Variants in TMEM260 observed in about 807,000 individuals in gnomAD.
TMEM260 encodes protein O-mannosyl-transferase TMEM260.
TMEM260 carries 82 observed loss-of-function variants against 88.9 expected under a neutral mutation model. The ratio of observed to expected loss-of-function variants is 0.92; its 90% CI spans 0.77 to 1.11. The LOEUF is 1.11. Ranked by LOEUF, TMEM260 falls within the 50% of genes least tolerant of loss-of-function variation. The probability of loss-of-function intolerance (pLI) is 0.00; values close to 1 mark genes in which losing one functional copy is unlikely to be tolerated. For synonymous variants in TMEM260, 314 were observed against 309.3 expected (o/e 1.02, Z -0.16); for missense variants, 902 against 853.4 (o/e 1.06, Z -0.71).
At chr14:56,608,073 C>G (rs1219312601) in intron 5 of TMEM260, among the ~76,000 whole-genome samples, 1 of 152,114 alleles carries the variant, frequency 6.6e-6, no homozygotes, top group East Asian at 1.9e-4. Context: ...TCCTTTCATG[C>G]CATCATTTTT....
At chr14:56,599,255 C>T (rs1363729458) in intron 3 of TMEM260, among the ~76,000 whole-genome samples, 1 of 152,152 alleles carries the variant, frequency 6.6e-6, no homozygotes, top group Non-Finnish European at 1.5e-5. Flanking sequence ...TCCTGTCCCT[C>T]TGACCTAGTA....
At chr14:56,618,193 A>G (rs935786894) in intron 9 of TMEM260, among the ~76,000 whole-genome samples, 17 of 152,192 alleles carry the variant, frequency 1.1e-4, no homozygotes, top group Non-Finnish European at 7.3e-5. Context: ...CCCCAGTCAG[A>G]TCAGTCCCTA....
At chr14:56,614,219 T>TAAAA (rs397852138) in intron 7 of TMEM260, among the ~76,000 whole-genome samples, 1 of 111,550 alleles carries the variant, frequency 9.0e-6, no homozygotes, top group Admixed American at 9.6e-5. Flanking sequence ...TACAAAACAT[T>TAAAA]AAAAAAAAAA....
downstream of TMEM260, among the ~76,000 whole-genome samples, chr14:56,652,933 A>G (rs561384121): frequency 2.6e-5 from 4 of 152,202 alleles, no homozygotes; most frequent in Non-Finnish European, 5.9e-5. Flanking sequence ...ACTGATTGTC[A>G]AACTGTGGGT....
Position 56,636,569 on chromosome 14 carries a change from A to G in TMEM260, c.1840A>G (p.Lys614Glu), listed in dbSNP as rs1477914635. ...AETAHMPSKV[K>E]AQLYAQAYDL... ...AACTGCTCACATGCCTTCAAAAGTGAAAGCTCAACTCTACGCTCAAGCATA... is the reference window on the plus strand; with the variant it reads ...AACTGCTCACATGCCTTCAAAAGTGGAAGCTCAACTCTACGCTCAAGCATA... Residue 614 changes from lysine (K) to glutamate (E), a missense_variant, in exon 15 of 16, where the codon AAA becomes GAA. Coordinates refer to ENST00000261556, the MANE Select transcript of TMEM260 (RefSeq NM_017799.4). 6.2e-7 allele frequency: 1 copy of G among 1,613,980 alleles called. No homozygotes were observed. Among genetic ancestry groups the G allele is most frequent in the African/African-American group, 1.3e-5 (1 of 74,906 alleles).
At chr14:56,620,245 A>G (rs1887832491) in intron 10 of TMEM260, among the ~76,000 whole-genome samples, 1 of 152,142 alleles carries the variant, frequency 6.6e-6, no homozygotes, top group African/African-American at 2.4e-5. Flanking sequence ...TGTGACGTGA[A>G]TTTACCTTTA....
At chr14:56,618,224 G>A (rs950624226) in intron 9 of TMEM260, among the ~76,000 whole-genome samples, 2 of 152,318 alleles carry the variant, frequency 1.3e-5, no homozygotes, top group East Asian at 1.9e-4. Flanking sequence ...GAGGAAATAC[G>A]TGAGGGGTCA....
downstream of TMEM260, among the ~76,000 whole-genome samples, chr14:56,649,728 T>A (rs182485169): frequency 6.6e-6 from 1 of 152,308 alleles, no homozygotes; most frequent in Admixed American, 6.5e-5. Context: ...CTTGTAAAAA[T>A]TTTTTAAATA....
intron 3 of TMEM260, among the ~76,000 whole-genome samples, chr14:56,590,662 C>T (rs1293414556): frequency 6.6e-6 from 1 of 152,210 alleles, no homozygotes; most frequent in Non-Finnish European, 1.5e-5. Context: ...AGCAGAATAT[C>T]ACAGCGGCAG....
intron 3 of TMEM260, among the ~76,000 whole-genome samples, chr14:56,596,809 A>G (rs995248575): frequency 3.5e-5 from 4 of 115,546 alleles, no homozygotes; most frequent in Non-Finnish European, 8.2e-5. Flanking sequence ...ATATATATAC[A>G]CACACACACC....
At chr14:56,616,112 C>G (rs1283024461) in intron 8 of TMEM260, 85 bp downstream of exon 8, 6 of 975,408 alleles carry the variant, frequency 6.2e-6, no homozygotes, top group Non-Finnish European at 9.6e-6. Context: ...TAGGACATTG[C>G]CAGTATTATT....
chr14:56,628,809 C>A (rs4901703), intron 12 of TMEM260, among the ~76,000 whole-genome samples: 1,817 of 152,016 alleles, frequency 0.012, 50 homozygotes, highest in East Asian at 0.098. Context: ...TGCTATGTCT[C>A]CACCATTTGC....
intron 3 of TMEM260, among the ~76,000 whole-genome samples, chr14:56,595,626 T>A (rs1187881854): frequency 3.3e-5 from 5 of 152,020 alleles, no homozygotes; most frequent in Non-Finnish European, 7.4e-5. Context: ...ACTACAGGCA[T>A]GTGCACCACG....
the TMEM260 span, among the ~76,000 whole-genome samples, chr14:56,656,557 A>G: frequency 6.6e-6 from 1 of 152,216 alleles, no homozygotes; most frequent in East Asian, 1.9e-4. Context: ...AACAGTGCCT[A>G]TATAGACCAA....
Position 56,603,713 on chromosome 14 carries a change from C to A in TMEM260, c.345-102C>A, listed in dbSNP as rs80271711. 2,811 of 1,250,092 alleles carry A rather than the reference C, an allele frequency of 2.2e-3. 87 individuals carry two copies. In the East Asian group the frequency reaches 0.059, roughly 26 times the overall value. 77.4% of individuals were successfully genotyped at this position (1,250,092 alleles called of 1,614,324 possible). ...AACCATATAATGTGTTGGAGTAGTGCTGGGTGACTATCATAATTTCTGCTG... is the reference window on the plus strand; with the variant it reads ...AACCATATAATGTGTTGGAGTAGTGATGGGTGACTATCATAATTTCTGCTG... On this transcript the variant is annotated intron_variant, in intron 3 of 15. Transcript: ENST00000261556.
intron 12 of TMEM260, 39 bp downstream of exon 12, chr14:56,625,569 T>C: frequency 2.6e-6 from 4 of 1,519,630 alleles, no homozygotes; most frequent in Non-Finnish European, 3.6e-6. Flanking sequence ...TCTAAAATCT[T>C]AAGCTTTTCT....
chr14:56,640,265 C>T (rs1566576844), intron 15 of TMEM260, among the ~76,000 whole-genome samples: 1 of 152,170 alleles, frequency 6.6e-6, no homozygotes, highest in Admixed American at 6.5e-5. Context: ...TGGACTGACA[C>T]CTCACACAGC....
chr14:56,620,739 G>C (rs1887865290), intron 10 of TMEM260, among the ~76,000 whole-genome samples: 1 of 152,136 alleles, frequency 6.6e-6, no homozygotes, highest in Non-Finnish European at 1.5e-5. Context: ...GATATTCTCA[G>C]CTCCATCAAA....
rs1397538004 is a variant in TMEM260 at position 56,579,912 on chromosome 14, C to T, written c.-3C>T. 4 of 1,233,516 alleles carry T rather than the reference C, an allele frequency of 3.2e-6. No individual in the cohort carries two copies. The highest frequency in any genetic ancestry group is 4.0e-6 in the Non-Finnish European group (4 of 987,880). The allele number at this position is 1,233,516 out of a possible 1,614,324, so 76.4% of individuals were successfully genotyped here. A position where few individuals can be genotyped will look rare whatever the true frequency, so the allele number is the denominator to read the frequency against. ...GTCCTTCTCCCTCGGTCGCCACTGG[C>T]CCATGAGTCCCCATGGCGACGGCAG... On this transcript the variant is annotated 5_prime_UTR_variant, in exon 1 of 16. Transcript: ENST00000261556.
Sources: gnomAD v4.1 joint callset for allele counts (sites outside exome capture counted in the v4.1 genomes callset) on GRCh38, gnomAD v4.1.1 for gene constraint, MANE v1.5 for transcripts, NCBI Gene and HGNC (gene_info 2026-07-23, HGNC 2026-07-21) for gene names.